RGL2: variants seen among roughly 807,000 people sequenced by gnomAD.
RGL2 encodes ral guanine nucleotide dissociation stimulator like 2.
RGL2 carries 40 observed loss-of-function variants against 84.6 expected under a neutral mutation model. The ratio of observed to expected loss-of-function variants is 0.47; its 90% confidence interval spans 0.37 to 0.62. The LOEUF (loss-of-function observed/expected upper bound fraction) is 0.62, where lower values mean the gene tolerates loss of function less well. Ranked by LOEUF, RGL2 falls within the 20% of genes least tolerant of loss-of-function variation. The probability of loss-of-function intolerance (pLI) is 0.00; values close to 1 mark genes in which losing one functional copy is unlikely to be tolerated. For missense variants in RGL2, 865 were observed against 1,019.7 expected (o/e 0.85, Z 2.07); for synonymous variants, 369 against 417.3 (o/e 0.88, Z 1.41).
rs1767679835 is a variant in RGL2 at position 33,293,888 on chromosome 6, C to T, written c.1415G>A (p.Arg472Gln). The T allele has an allele frequency of 2.5e-6, 4 of 1,613,908 alleles. No individual in the cohort carries two copies. Among genetic ancestry groups the T allele is most frequent in the African/African-American group, 1.3e-5 (1 of 74,876 alleles). The change falls in exon 13 of 18, where the codon CGG becomes CAG. Residue 472 changes from arginine (R) to glutamine (Q), a missense_variant. This residue lies in a region of RGL2 where 75 missense variants were observed against 130.8 expected (regional missense o/e 0.57). Coordinates refer to ENST00000497454, the MANE Select transcript of RGL2 (RefSeq NM_004761.5). The surrounding 1 kb of genome is among the most constrained non-coding windows in gnomAD (Gnocchi z 7.0). ...ATAGCCACGACATTCATTCTGGAGC[C>T]GTCGCAACTCAGAAAGGACTGCAAA... is the stretch of plus-strand genomic sequence containing the variant. ...KEFAVLSELR[R>Q]LQNECRGYNL... is the part of the protein sequence containing the mutation.
rs761398015 is a variant in RGL2, at chr6:33,297,165, T to C, written c.157-50A>G. On this transcript the variant is annotated intron_variant, in intron 2 of 17. Transcript: ENST00000497454. The surrounding 1 kb of genome is among the most constrained non-coding windows in gnomAD (Gnocchi z 4.0). ...CAGACAGTTCCACACCACCCCCCAT[T>C]GCCCTCAGCCTTCACCCCAGGCCCT... is the stretch of plus-strand genomic sequence containing the variant. The C allele has an allele frequency of 7.0e-7, 1 of 1,419,952 alleles. No homozygotes were observed. The highest frequency in any genetic ancestry group is 9.6e-7 in the Non-Finnish European group (1 of 1,044,928). The allele number at this position is 1,419,952 out of a possible 1,614,324, so 88.0% of individuals were successfully genotyped here.
rs1355742070 is a variant in RGL2, at chr6:33,295,029, G to A, written c.1226C>T (p.Ser409Phe). Residue 409 changes from serine to phenylalanine, a missense_variant, in exon 10 of 18, where the codon TCT becomes TTT. Ser to Phe is a radical substitution (Grantham distance 155). Coordinates refer to ENST00000497454, the MANE Select transcript of RGL2 (RefSeq NM_004761.5). This position sits in a 1 kb window ranked among gnomAD's most constrained non-coding sequence, Gnocchi z 7.2. ...ELLVQEVKLQ[S>F]PLEPHSKKAP... ...CTTCTTGGAGTGTGGCTCCAGAGGA[G>A]ACTGCAGCTTCACCTCCTGGTGGTG... 2 of 1,582,714 alleles carry A rather than the reference G, an allele frequency of 1.3e-6. No individual in the cohort carries two copies.
rs1165156767 is a variant in RGL2, at chr6:33,298,411, T to A, written c.156+44A>T. The A allele has an allele frequency of 9.0e-7, 1 of 1,114,900 alleles. No individual in the cohort carries two copies. Among genetic ancestry groups the A allele is most frequent in the Admixed American group, 2.5e-5 (1 of 39,786 alleles). 69.1% of individuals were successfully genotyped at this position (1,114,900 alleles called of 1,614,324 possible). ...CAGAGACAAGAGAAAAGTGGAGACT[T>A]CAGAAATACATACGCCCCCTACCTC... On this transcript the variant is annotated intron_variant, in intron 2 of 17. Coordinates refer to ENST00000497454, the MANE Select transcript of RGL2 (RefSeq NM_004761.5). The surrounding 1 kb of genome is among the most constrained non-coding windows in gnomAD (Gnocchi z 4.8).
At chr6:33,299,664 G>C (rs1768395462), upstream of RGL2, 1 of 152,322 alleles carries the variant, frequency 6.6e-6, no homozygotes, top group Admixed American at 6.5e-5. This position sits in a 1 kb window ranked among gnomAD's most constrained non-coding sequence, Gnocchi z 5.0. Context: ...TATTCATTGA[G>C]CTTGGAAAGG....
At position 33,293,141 on chromosome 6, in the gene RGL2, C is replaced by T. The variant is rs1767591404; in HGVS notation, c.1882G>A (p.Ala628Thr). 8 of 1,611,562 alleles carry T rather than the reference C, an allele frequency of 5.0e-6. No individual in the cohort carries two copies. The highest frequency in any genetic ancestry group is 6.8e-6 in the Non-Finnish European group (8 of 1,178,820). Residue 628 changes from alanine to threonine, a missense_variant, in exon 16 of 18, where the codon GCA (alanine) becomes ACA (threonine). Ala to Thr is a moderately conservative substitution (Grantham distance 58). Transcript: ENST00000497454. The surrounding 1 kb of genome is among the most constrained non-coding windows in gnomAD (Gnocchi z 7.0). ...CCAGTCCCCCCGGAGGCCTCTTCTG[C>T]ACCCCCACTCAGCGGGGAGCCACAG... Reference protein sequence around the residue: ...ASCGSPLSGGAEEASGGTGYG... With the variant: ...ASCGSPLSGGTEEASGGTGYG...
chr6:33,295,375 T>A lies in RGL2; in HGVS notation c.1068A>T (p.Ser356=). ...RNFSSVYAVV[S]ALQSSPIHRL... is the part of the protein sequence containing the mutation. ...TGTGGATGGGGCTGGACTGCAGGGC[T>A]GACACCACGGCATAAACTGAAGAGA... Residue 356 remains serine, a synonymous_variant, in exon 8 of 18, where the codon TCA becomes TCT. Transcript: ENST00000497454. This position sits in a 1 kb window ranked among gnomAD's most constrained non-coding sequence, Gnocchi z 7.2. The A allele has an allele frequency of 6.2e-7, 1 of 1,605,672 alleles. No individual in the cohort carries two copies. The highest frequency in any genetic ancestry group is 8.5e-7 in the Non-Finnish European group (1 of 1,176,934).
In RGL2 at chr6:33,293,627, T is replaced by C; in HGVS notation, c.1581A>G (p.Thr527=). The C allele has an allele frequency of 6.2e-7, 1 of 1,614,100 alleles. No homozygotes were observed. The highest frequency in any genetic ancestry group is 1.1e-5 in the South Asian group (1 of 91,082). ...DPPAPRVLRP[T]LVISQWTEVL... ...ACTCTGTCCACTGCGAGATGACCAA[T>C]GTTGGCCGAAGCACCCGTGGGGCAG... The change falls in exon 14 of 18, where the codon ACA becomes ACG. Residue 527 remains threonine (T), a synonymous_variant. Coordinates refer to ENST00000497454, the MANE Select transcript of RGL2 (RefSeq NM_004761.5). This position sits in a 1 kb window ranked among gnomAD's most constrained non-coding sequence, Gnocchi z 7.0.
In RGL2 at chr6:33,296,549, G is replaced by A. The variant is rs765211954; in HGVS notation, c.419+49C>T. On this transcript the variant is annotated intron_variant, in intron 4 of 17. Coordinates refer to ENST00000497454, the MANE Select transcript of RGL2 (RefSeq NM_004761.5). This position sits in a 1 kb window ranked among gnomAD's most constrained non-coding sequence, Gnocchi z 5.0. ...ATTTTGGTGGGATGTTGCGGCTTTA[G>A]GAAATCCGGGCAGATACTCCACTAC... 1.9e-6 allele frequency: 3 copies of A among 1,586,532 alleles called. No homozygotes were observed. Among genetic ancestry groups the A allele is most frequent in the Non-Finnish European group, 1.7e-6 (2 of 1,165,238 alleles).
chr6:33,293,582 C>G lies in RGL2; in HGVS notation c.1604+22G>C. The stretch of plus-strand genomic sequence containing the variant: ...AAAGTGGAAGTCCCAAGAAACCACC[C>G]CCCAGCCAGTGAATCTCTCACTCTG... On this transcript the variant is annotated intron_variant, in intron 14 of 17. Transcript: ENST00000497454. This position sits in a 1 kb window ranked among gnomAD's most constrained non-coding sequence, Gnocchi z 7.0. 2 of 1,613,218 alleles carry G rather than the reference C, an allele frequency of 1.2e-6. No homozygotes were observed. The highest frequency in any genetic ancestry group is 8.5e-7 in the Non-Finnish European group (1 of 1,179,430).
In RGL2 at chr6:33,295,372, G is replaced by T; in HGVS notation, c.1071C>A (p.Ala357=). 1 of 1,604,620 alleles carries T rather than the reference G, an allele frequency of 6.2e-7. No homozygotes were observed. The change falls in exon 8 of 18, where the codon GCC becomes GCA. Residue 357 remains alanine (A), a synonymous_variant. Transcript: ENST00000497454. The surrounding 1 kb of genome is among the most constrained non-coding windows in gnomAD (Gnocchi z 7.2). ...NFSSVYAVVS[A]LQSSPIHRLR... The stretch of plus-strand genomic sequence containing the variant: ...GCCTGTGGATGGGGCTGGACTGCAG[G>T]GCTGACACCACGGCATAAACTGAAG...
In RGL2 at chr6:33,298,404, G is replaced by A; in HGVS notation, c.156+51C>T. The A allele has an allele frequency of 2.0e-6, 2 of 998,718 alleles. No homozygotes were observed. Among genetic ancestry groups the A allele is most frequent in the Non-Finnish European group, 2.9e-6 (2 of 684,532 alleles). 61.9% of individuals were successfully genotyped at this position (998,718 alleles called of 1,614,324 possible). ...AGGGACCCAGAGACAAGAGAAAAGTGGAGACTTCAGAAATACATACGCCCC... is the reference window on the plus strand; with the variant it reads ...AGGGACCCAGAGACAAGAGAAAAGTAGAGACTTCAGAAATACATACGCCCC... On this transcript the variant is annotated intron_variant, in intron 2 of 17. Coordinates refer to ENST00000497454, the MANE Select transcript of RGL2 (RefSeq NM_004761.5). This position sits in a 1 kb window ranked among gnomAD's most constrained non-coding sequence, Gnocchi z 4.8.
upstream of RGL2, chr6:33,299,935 G>A (rs1273765760): frequency 6.5e-6 from 1 of 153,394 alleles, no homozygotes; most frequent in Non-Finnish European, 1.5e-5. This position sits in a 1 kb window ranked among gnomAD's most constrained non-coding sequence, Gnocchi z 5.0. Flanking sequence ...CGGGGAGACA[G>A]GCATTTAACG....
Position 33,298,364 on chromosome 6 carries a change from A to C in RGL2, c.156+91T>G. ...GGGAGGCGCGAGAATAACTGAGGCA[A>C]GGAGGAGGAGATGTAGGGACCCAGA... On this transcript the variant is annotated intron_variant, in intron 2 of 17. Transcript: ENST00000497454. The surrounding 1 kb of genome is among the most constrained non-coding windows in gnomAD (Gnocchi z 4.8). 3.0e-6 allele frequency: 2 copies of C among 677,826 alleles called. No homozygotes were observed. The highest frequency in any genetic ancestry group is 4.9e-6 in the Non-Finnish European group (2 of 412,302). The allele number at this position is 677,826 out of a possible 1,614,324, so 42.0% of individuals were successfully genotyped here.
In RGL2 at chr6:33,292,217, G is replaced by A; in HGVS notation, c.2219C>T (p.Thr740Ile). 6.2e-7 allele frequency: 1 copy of A among 1,614,228 alleles called. No homozygotes were observed. The highest frequency in any genetic ancestry group is 1.3e-5 in the African/African-American group (1 of 75,068). ...LRQRRRSSTA[T>I]PGVTSGPSAS... ...AGACGGGCCACTGGTGACGCCAGGT[G>A]TAGCAGTAGAGGACCTTCGCCGCTG... is the stretch of plus-strand genomic sequence containing the variant. Residue 740 changes from threonine (T) to isoleucine (I), a missense_variant, in exon 18 of 18, where the codon ACA becomes ATA. Thr to Ile is a moderately conservative substitution (Grantham distance 89). Transcript: ENST00000497454.
chr6:33,298,243 A>C lies in RGL2; in HGVS notation c.156+212T>G. On this transcript the variant is annotated intron_variant, in intron 2 of 17. Transcript: ENST00000497454. This position sits in a 1 kb window ranked among gnomAD's most constrained non-coding sequence, Gnocchi z 4.8. ...AGCCAGCCAGAAGTTCCAGGCAGGA[A>C]CAGGGCAGGTTCCTGCGGGCAGGTC... The C allele has an allele frequency of 6.2e-6, 3 of 487,482 alleles. No individual in the cohort carries two copies. Among genetic ancestry groups the C allele is most frequent in the Non-Finnish European group, 7.5e-6 (2 of 267,342 alleles). The allele number at this position is 487,482 out of a possible 1,614,324, so 30.2% of individuals were successfully genotyped here.
In RGL2 at chr6:33,298,591, C is replaced by T; in HGVS notation, c.20G>A (p.Arg7Gln). Residue 7 changes from arginine (R) to glutamine (Q), a missense_variant, in exon 2 of 18, where the codon CGG becomes CAG. Arg to Gln is a conservative substitution (Grantham distance 43). This residue lies in a region of RGL2 where 23 missense variants were observed against 22.7 expected (regional missense o/e 1.01). Coordinates refer to ENST00000497454, the MANE Select transcript of RGL2 (RefSeq NM_004761.5). The surrounding 1 kb of genome is among the most constrained non-coding windows in gnomAD (Gnocchi z 4.8). MLPRPL[R>Q]LLLDTSPPGG... ...GGGGGGGCTCGTGTCCAAAAGCAGC[C>T]GCAGGGGCCGCGGGAGCATGGCCGA... 1 of 1,459,252 alleles carries T rather than the reference C, an allele frequency of 6.9e-7. No individual in the cohort carries two copies. The allele number at this position is 1,459,252 out of a possible 1,614,324, so 90.4% of individuals were successfully genotyped here.
chr6:33,297,820 T>C lies in RGL2; in HGVS notation c.156+635A>G, dbSNP rs1768141028. On this transcript the variant is annotated intron_variant, in intron 2 of 17. Coordinates refer to ENST00000497454, the MANE Select transcript of RGL2 (RefSeq NM_004761.5). The surrounding 1 kb of genome is among the most constrained non-coding windows in gnomAD (Gnocchi z 4.0). ...CACCTAGGATCTGGACCTAGGAGTT[T>C]AGGGCCTCGGGGCCCCAAATCCAAA... 1 of 152,304 alleles carries C rather than the reference T, an allele frequency of 6.6e-6. No individual in the cohort carries two copies. The highest frequency in any genetic ancestry group is 1.5e-5 in the Non-Finnish European group (1 of 68,118). 9.4% of individuals were successfully genotyped at this position (152,304 alleles called of 1,614,324 possible).
At chr6:33,292,343 C>T in intron 17 of RGL2, 30 bp from the exon 18 acceptor site, 1 of 1,610,388 alleles carries the variant, frequency 6.2e-7, no homozygotes, top group East Asian at 2.2e-5. Context: ...ATGTAAAGCA[C>T]ACACACAGTT....
rs1191687229 is a variant in RGL2 at position 33,293,641 on chromosome 6, C to T, written c.1567G>A (p.Val523Met). The change falls in exon 14 of 18, where the codon GTG becomes ATG. Residue 523 changes from valine (V) to methionine (M), a missense_variant. This residue lies in a region of RGL2 where 75 missense variants were observed against 130.8 expected (regional missense o/e 0.57). Transcript: ENST00000497454. This position sits in a 1 kb window ranked among gnomAD's most constrained non-coding sequence, Gnocchi z 7.0. ...GAGATGACCAATGTTGGCCGAAGCA[C>T]CCGTGGGGCAGGAGGGTCACTGGAA... is the stretch of plus-strand genomic sequence containing the variant. ...PGSSDPPAPR[V>M]LRPTLVISQW... 1.2e-6 allele frequency: 2 copies of T among 1,614,176 alleles called. No individual in the cohort carries two copies. Among genetic ancestry groups the T allele is most frequent in the East Asian group, 2.2e-5 (1 of 44,888 alleles).
Sources: gnomAD v4.1 joint callset for allele counts on GRCh38, gnomAD v4.1.1 for gene constraint, gnomAD v4.1.1 regional missense constraint, Gnocchi (gnomAD v3.1) non-coding constraint, MANE v1.5 for transcripts, NCBI Gene and HGNC (gene_info 2026-07-23, HGNC 2026-07-21) for gene names.